The following DACH2 variants were observed in gnomAD, a reference collection of about 807,000 sequenced individuals.
DACH2 encodes dachshund homolog 2.
Under a neutral mutation model 35.8 loss-of-function variants are expected in DACH2, and 17 were observed. That is an observed-to-expected ratio of 0.48 (90% CI 0.33 to 0.71). DACH2 has a LOEUF of 0.71. Among genes scored for constraint, DACH2 ranks in the 30% least tolerant of loss-of-function variants. The pLI, the probability that DACH2 is intolerant of heterozygous loss-of-function variation, is 0.02. For missense variants in DACH2, 469 were observed against 472.7 expected (o/e 0.99, Z 0.07); for synonymous variants, 195 against 177.3 (o/e 1.10, Z -0.79).
chrX:86,207,251 G>T (rs1365445971), intron 1 of DACH2, among the ~76,000 whole-genome samples: 1 of 111,466 alleles, frequency 9.0e-6, no homozygotes, highest in Non-Finnish European at 1.9e-5. Context: ...TGCCAAGAAG[G>T]GGAGATATAG....
At chrX:86,254,807 T>TATATATATATATAGAGAGAG (rs1380613474) in intron 1 of DACH2, among the ~76,000 whole-genome samples, 1 of 49,652 alleles carries the variant, frequency 2.0e-5, no homozygotes, top group African/African-American at 1.2e-4. Flanking sequence ...TATATATATA[T>TATATATATATATAGAGAGAG]AGAGAGAGAG....
At chrX:86,378,706 C>T (rs2036003437) in intron 2 of DACH2, among the ~76,000 whole-genome samples, 1 of 111,004 alleles carries the variant, frequency 9.0e-6, no homozygotes, top group Admixed American at 9.6e-5. Context: ...CAGTTTGCGA[C>T]CTCTGCTCTA....
chrX:86,254,202 A>G (rs182620968), intron 1 of DACH2, among the ~76,000 whole-genome samples: 1 of 111,625 alleles, frequency 9.0e-6, no homozygotes, highest in African/African-American at 3.2e-5. Context: ...AACAATTTCT[A>G]ATATGTTTTG....
intron 1 of DACH2, among the ~76,000 whole-genome samples, chrX:86,356,310 T>C (rs1182356114): frequency 1.8e-5 from 2 of 111,652 alleles, no homozygotes; most frequent in African/African-American, 6.5e-5. Flanking sequence ...ATTGTTTGTT[T>C]TTGTTAGGTT....
chrX:86,796,730 G>A (rs774879820), intron 7 of DACH2, among the ~76,000 whole-genome samples: 8 of 111,626 alleles, frequency 7.2e-5, no homozygotes, highest in Admixed American at 1.9e-4. Context: ...AATACTAATC[G>A]TTGAATTTTG....
intron 1 of DACH2, among the ~76,000 whole-genome samples, chrX:86,230,517 G>C (rs1341741165): frequency 1.8e-5 from 2 of 110,789 alleles, no homozygotes; most frequent in Admixed American, 1.9e-4. Context: ...AATTAGGGAG[G>C]GTTCCTTCTT....
intron 3 of DACH2, among the ~76,000 whole-genome samples, chrX:86,629,846 G>A (rs1873881195): frequency 9.0e-6 from 1 of 111,268 alleles, no homozygotes; most frequent in Non-Finnish European, 1.9e-5. Context: ...CTGCACTCCA[G>A]CCTGAGCAAC....
chrX:86,432,357 A>C (rs2036997561), intron 2 of DACH2, among the ~76,000 whole-genome samples: 1 of 112,266 alleles, frequency 8.9e-6, no homozygotes, highest in South Asian at 3.7e-4. Flanking sequence ...GTAGAATTTC[A>C]AACAAATATC....
chrX:86,702,216 T>C (rs940941379), intron 5 of DACH2, among the ~76,000 whole-genome samples: 8 of 111,022 alleles, frequency 7.2e-5, no homozygotes, highest in African/African-American at 2.6e-4. Flanking sequence ...TTAAAAATAT[T>C]CAAAATGAAT....
chrX:86,655,390 A>G (rs959004964), intron 4 of DACH2, among the ~76,000 whole-genome samples: 1 of 112,290 alleles, frequency 8.9e-6, no homozygotes, highest in Middle Eastern at 4.6e-3. Flanking sequence ...ATGTGGTGAC[A>G]TAGAAGTGAG....
chrX:86,732,643 A>G (rs186545419), intron 6 of DACH2, among the ~76,000 whole-genome samples: 238 of 112,204 alleles, frequency 2.1e-3, no homozygotes, highest in Non-Finnish European at 2.3e-3. Context: ...TGCTAATTGT[A>G]ACTACTTCAT....
intron 1 of DACH2, among the ~76,000 whole-genome samples, chrX:86,209,684 T>C (rs907515865): frequency 9.0e-5 from 10 of 111,042 alleles, no homozygotes; most frequent in African/African-American, 3.3e-4. Context: ...CTTTTCCTCC[T>C]TCACATGAGT....
chrX:86,684,647 C>T (rs937030428), intron 4 of DACH2, among the ~76,000 whole-genome samples: 17 of 110,605 alleles, frequency 1.5e-4, no homozygotes, highest in Non-Finnish European at 7.6e-5. Context: ...ACTTTTACAA[C>T]ACTAATTTTT....
intron 3 of DACH2, among the ~76,000 whole-genome samples, chrX:86,626,931 A>G (rs1457762669): frequency 8.9e-6 from 1 of 112,221 alleles, no homozygotes. Context: ...CATTTTTCCC[A>G]TTATCTTGGT....
At chrX:86,665,759 T>C (rs1602756174) in intron 4 of DACH2, among the ~76,000 whole-genome samples, 1 of 70,830 alleles carries the variant, frequency 1.4e-5, no homozygotes, top group East Asian at 4.0e-4. Flanking sequence ...AATTTAAAAT[T>C]ATATATTACT....
chrX:86,327,803 G>A (rs944554939), intron 1 of DACH2, among the ~76,000 whole-genome samples: 3 of 111,744 alleles, frequency 2.7e-5, no homozygotes, highest in Non-Finnish European at 5.7e-5. Flanking sequence ...ACACAGCCCA[G>A]TGATCTTCGT....
intron 2 of DACH2, among the ~76,000 whole-genome samples, chrX:86,415,210 T>G (rs934862416): frequency 8.9e-6 from 1 of 112,044 alleles, no homozygotes. Flanking sequence ...CATAAAGCAA[T>G]TTGGACTGAC....
chrX:86,245,311 C>T (rs1314850797), intron 1 of DACH2, among the ~76,000 whole-genome samples: 1 of 111,742 alleles, frequency 8.9e-6, no homozygotes, highest in African/African-American at 3.3e-5. Context: ...CCCCACCACC[C>T]TGACACCACC....
chrX:86,546,774 A>C (rs1333448744), intron 3 of DACH2, among the ~76,000 whole-genome samples: 5 of 109,207 alleles, frequency 4.6e-5, no homozygotes, highest in African/African-American at 1.7e-4. Flanking sequence ...TCGGCCTCCC[A>C]AAGTGCTGGA....
Sources: gnomAD v4.1 joint callset for allele counts (sites outside exome capture counted in the v4.1 genomes callset) on GRCh38, gnomAD v4.1.1 for gene constraint, MANE v1.5 for transcripts, NCBI Gene and HGNC (gene_info 2026-07-23, HGNC 2026-07-21) for gene names.